Variants in PPP6R3 observed in about 807,000 individuals in gnomAD.
PPP6R3 encodes protein phosphatase 6 regulatory subunit 3, also known as serine/threonine-protein phosphatase 6 regulatory subunit 3.
Under a neutral mutation model 110.7 loss-of-function variants are expected in PPP6R3, and 38 were observed. The observed-to-expected ratio is 0.34, with a 90% CI of 0.26 to 0.45. PPP6R3 has a LOEUF of 0.45. PPP6R3 is among the 20% of genes least tolerant of loss of function. The pLI is 1.00. For synonymous variants in PPP6R3, 369 were observed against 373.5 expected, an observed-to-expected ratio of 0.99 and a Z score of 0.14; for missense variants, 870 against 1,062.4, an observed-to-expected ratio of 0.82 and a Z score of 2.52.
intron 14 of PPP6R3, among the ~76,000 whole-genome samples, chr11:68,576,999 C>G (rs2099534220): frequency 6.6e-6 from 1 of 152,130 alleles, no homozygotes; most frequent in Non-Finnish European, 1.5e-5. Context: ...TTTCCAGACT[C>G]CTGACAGAGT....
intron 9 of PPP6R3, among the ~76,000 whole-genome samples, chr11:68,566,323 T>C (rs575753223): frequency 4.6e-5 from 7 of 151,142 alleles, no homozygotes; most frequent in African/African-American, 1.5e-4. Flanking sequence ...CCTTCCTCCT[T>C]CTCTTTCCTC....
At chr11:68,574,776 T>A (rs2099524024) in intron 13 of PPP6R3, among the ~76,000 whole-genome samples, 1 of 152,214 alleles carries the variant, frequency 6.6e-6, no homozygotes, top group Admixed American at 6.5e-5. Flanking sequence ...TATGGATGCT[T>A]TTTTACACTG....
intron 4 of PPP6R3, 58 bp downstream of exon 4, chr11:68,545,082 C>A: frequency 7.7e-7 from 1 of 1,304,024 alleles, no homozygotes. Flanking sequence ...TGAGGTGATC[C>A]CCCAGTACTT....
chr11:68,568,392 C>G (rs1181188869), intron 10 of PPP6R3, among the ~76,000 whole-genome samples: 1 of 152,182 alleles, frequency 6.6e-6, no homozygotes, highest in Non-Finnish European at 1.5e-5. Flanking sequence ...TTTGATGAGA[C>G]TACTGGAGGA....
At chr11:68,597,472 A>G (rs1024536884) in intron 19 of PPP6R3, among the ~76,000 whole-genome samples, 1 of 152,224 alleles carries the variant, frequency 6.6e-6, no homozygotes, top group African/African-American at 2.4e-5. Context: ...CTGTTTCAAG[A>G]CATTCATGGC....
intron 8 of PPP6R3, among the ~76,000 whole-genome samples, chr11:68,562,112 G>A (rs2099427150): frequency 6.6e-6 from 1 of 151,840 alleles, no homozygotes; most frequent in African/African-American, 2.4e-5. Flanking sequence ...TTGCAAGTAT[G>A]AAGTCAGCAC....
chr11:68,528,558 C>T (rs1001532453), intron 2 of PPP6R3, among the ~76,000 whole-genome samples: 18 of 152,078 alleles, frequency 1.2e-4, no homozygotes, highest in Non-Finnish European at 2.5e-4. Context: ...CTTTTAAAGA[C>T]CAGCTGCTTT....
At chr11:68,530,556 A>G (rs780619703) in intron 2 of PPP6R3, among the ~76,000 whole-genome samples, 1 of 152,210 alleles carries the variant, frequency 6.6e-6, no homozygotes, top group Non-Finnish European at 1.5e-5. Context: ...AGTCTGGCAT[A>G]TGATATCAGA....
chr11:68,467,693 C>T (rs941036870), intron 1 of PPP6R3, among the ~76,000 whole-genome samples: 1 of 152,220 alleles, frequency 6.6e-6, no homozygotes, highest in African/African-American at 2.4e-5. Flanking sequence ...GGAACACTGA[C>T]TAGTCTTGAC....
chr11:68,537,248 A>G (rs563245254), intron 2 of PPP6R3, among the ~76,000 whole-genome samples: 37 of 152,290 alleles, frequency 2.4e-4, no homozygotes, highest in African/African-American at 8.4e-4. Flanking sequence ...GTGATCATTT[A>G]GTTCTTTAGT....
At chr11:68,567,440 C>T (rs1011578091) in intron 10 of PPP6R3, among the ~76,000 whole-genome samples, 4 of 152,194 alleles carry the variant, frequency 2.6e-5, no homozygotes, top group South Asian at 2.1e-4. Context: ...TGCTCCGTCT[C>T]GTGGACAATG....
intron 1 of PPP6R3, among the ~76,000 whole-genome samples, chr11:68,480,405 C>T (rs1334535475): frequency 6.6e-6 from 1 of 152,230 alleles, no homozygotes; most frequent in Non-Finnish European, 1.5e-5. Flanking sequence ...CAGACACTGT[C>T]TGGGCACTTG....
chr11:68,553,293 C>CTT (rs35624425), intron 6 of PPP6R3, among the ~76,000 whole-genome samples: 1,459 of 138,650 alleles, frequency 0.011, 12 homozygotes, highest in Non-Finnish European at 0.012. Flanking sequence ...TTTGCTTTTA[C>CTT]TTTTTTTTTT....
In PPP6R3 at chr11:68,493,663, C is replaced by T. The variant is rs556406723; in HGVS notation, c.-157-25838C>T. ...AAATATATATACAAAAAAATACACA[C>T]ACACACAGAGACAGAGTAGAGATGC... is the stretch of plus-strand genomic sequence containing the variant. On this transcript the variant is annotated intron_variant, in intron 1 of 23. Transcript: ENST00000393800. Among the ~76,000 whole-genome samples the T allele has an allele frequency of 5.8e-4, 86 of 149,218 alleles. 2 individuals carry two copies. Among genetic ancestry groups the T allele is most frequent in the Middle Eastern group, 6.9e-3 (2 of 290 alleles).
intron 1 of PPP6R3, among the ~76,000 whole-genome samples, chr11:68,495,980 C>G (rs1160792131): frequency 6.6e-6 from 1 of 152,090 alleles, no homozygotes; most frequent in African/African-American, 2.4e-5. Flanking sequence ...TTTGTCATAT[C>G]CATGCCAGCA....
intron 1 of PPP6R3, among the ~76,000 whole-genome samples, chr11:68,506,678 A>C (rs2099079884): frequency 6.6e-6 from 1 of 152,020 alleles, no homozygotes; most frequent in African/African-American, 2.4e-5. Flanking sequence ...AAGAAAAAAA[A>C]CCCTTTTTCC....
chr11:68,568,245 ACCTT>A (rs2099486917), intron 10 of PPP6R3, among the ~76,000 whole-genome samples: 1 of 152,186 alleles, frequency 6.6e-6, no homozygotes. Flanking sequence ...TTTTTGTCCT[ACCTT>A]CTAGTGTATA....
At chr11:68,598,650 T>C (rs1468220351) in intron 19 of PPP6R3, among the ~76,000 whole-genome samples, 1 of 152,210 alleles carries the variant, frequency 6.6e-6, no homozygotes, top group Non-Finnish European at 1.5e-5. Flanking sequence ...GGAGGTTTTG[T>C]GGACATTCAG....
At chr11:68,552,231 G>C (rs1200912155) in intron 6 of PPP6R3, among the ~76,000 whole-genome samples, 2 of 152,226 alleles carry the variant, frequency 1.3e-5, no homozygotes, top group Non-Finnish European at 1.5e-5. Context: ...TTCAAAGTTT[G>C]TCCTGAAGCT....
Sources: gnomAD v4.1 joint callset for allele counts (sites outside exome capture counted in the v4.1 genomes callset) on GRCh38, gnomAD v4.1.1 for gene constraint, MANE v1.5 for transcripts, NCBI Gene and HGNC (gene_info 2026-07-23, HGNC 2026-07-21) for gene names.